The following OSBPL3 variants were observed in gnomAD, a reference collection of about 807,000 sequenced individuals.
The protein encoded by OSBPL3 is oxysterol binding protein like 3.
OSBPL3 carries 65 observed loss-of-function variants against 120.1 expected under a neutral mutation model. The ratio of observed to expected loss-of-function variants is 0.54; its 90% confidence interval spans 0.44 to 0.67. The LOEUF (loss-of-function observed/expected upper bound fraction) is 0.67. OSBPL3 is among the 30% of genes least tolerant of loss of function. OSBPL3 has a pLI of 0.00. For synonymous variants in OSBPL3, 416 were observed against 402.6 expected, an observed-to-expected ratio of 1.03 and a Z score of -0.40; for missense variants, 1,004 against 1,082.1, an observed-to-expected ratio of 0.93 and a Z score of 1.01.
intron 1 of OSBPL3, among the ~76,000 whole-genome samples, chr7:24,941,992 G>A (rs1355972493): frequency 2.6e-5 from 4 of 152,162 alleles, no homozygotes; most frequent in African/African-American, 4.8e-5. Context: ...TCAGGGCTGT[G>A]TTTTGCTCAC....
At chr7:24,823,762 G>A (rs368355889) in intron 16 of OSBPL3, among the ~76,000 whole-genome samples, 3 of 152,132 alleles carry the variant, frequency 2.0e-5, no homozygotes, top group African/African-American at 7.2e-5. Context: ...AGGTGGTGGC[G>A]GATGCTGGCC....
In OSBPL3 at chr7:24,827,813, G is replaced by A. The variant is rs759775731; in HGVS notation, c.1884+2955C>T. 4.6e-5 allele frequency among the ~76,000 whole-genome samples: 7 copies of A among 152,194 alleles called. No homozygotes were observed. Among genetic ancestry groups the A allele is most frequent in the Non-Finnish European group, 7.3e-5 (5 of 68,036 alleles). ...TGGTATGACCATGGTGAAGCCAGCT[G>A]TGAGAACTCCTGGCTGCCTGACAGC... On this transcript the variant is annotated intron_variant, in intron 16 of 22. Transcript: ENST00000313367. The surrounding 1 kb of genome is among the most constrained non-coding windows in gnomAD (Gnocchi z 5.1).
rs997269347 is a variant in OSBPL3, at chr7:24,965,640, A to G, written c.-150+14246T>C. Among the ~76,000 whole-genome samples the G allele has an allele frequency of 6.6e-6, 1 of 152,184 alleles. No homozygotes were observed. Among genetic ancestry groups the G allele is most frequent in the African/African-American group, 2.4e-5 (1 of 41,436 alleles). ...TAACTTATTAGAATTGTAGAATCTC[A>G]GGTCCCATTAAATCAGAAACCCACT... On this transcript the variant is annotated intron_variant, in intron 1 of 22. Transcript: ENST00000313367. This position sits in a 1 kb window ranked among gnomAD's most constrained non-coding sequence, Gnocchi z 4.3.
intron 12 of OSBPL3, among the ~76,000 whole-genome samples, chr7:24,845,461 A>ATGTGTG (rs138960641): frequency 7.3e-6 from 1 of 137,040 alleles, no homozygotes; most frequent in African/African-American, 2.7e-5. Flanking sequence ...GTGTGTGTGT[A>ATGTGTG]TGTGTGTGTG....
At chr7:24,951,758 T>C (rs773467569) in intron 1 of OSBPL3, among the ~76,000 whole-genome samples, 19 of 152,188 alleles carry the variant, frequency 1.2e-4, no homozygotes, top group Non-Finnish European at 2.4e-4. Flanking sequence ...TTAATGATCC[T>C]CATAGCTTGC....
chr7:24,830,883 A>G lies in OSBPL3; in HGVS notation c.1769T>C (p.Ile590Thr), dbSNP rs758133448. The stretch of plus-strand genomic sequence containing the variant: ...GTAGTAGCTAGATGCATACGCTGAT[A>G]TGGCAAAGGCTGCCACATATACCTA... ...ERMVYVAAFA[I>T]SAYASSYYRA... The change falls in exon 16 of 23, where the codon ATA becomes ACA. Residue 590 changes from isoleucine (I) to threonine (T), a missense_variant. Physicochemically the swap from Ile to Thr is moderately conservative, Grantham distance 89. Transcript: ENST00000313367. The surrounding 1 kb of genome is among the most constrained non-coding windows in gnomAD (Gnocchi z 4.4). 2.5e-6 allele frequency: 4 copies of G among 1,612,780 alleles called. No homozygotes were observed. The highest frequency in any genetic ancestry group is 2.5e-6 in the Non-Finnish European group (3 of 1,179,660).
At chr7:24,870,674 A>G (rs2128281901) in intron 5 of OSBPL3, 58 bp downstream of exon 5, 1 of 1,061,072 alleles carries the variant, frequency 9.4e-7, no homozygotes, top group Non-Finnish European at 1.5e-6. Flanking sequence ...CAATAGTATA[A>G]TAACTGATGA....
At position 24,827,431 on chromosome 7, in the gene OSBPL3, C is replaced by A. The variant is rs982199109; in HGVS notation, c.1884+3337G>T. On this transcript the variant is annotated intron_variant, in intron 16 of 22. Coordinates refer to ENST00000313367, the MANE Select transcript of OSBPL3 (RefSeq NM_015550.4). This position sits in a 1 kb window ranked among gnomAD's most constrained non-coding sequence, Gnocchi z 5.1. ...CTGGCCAGGGAAAGGGAGGCCCTGG[C>A]CCTACACCCTTCCCACTTCTAGGGC... Among the ~76,000 whole-genome samples, 1 of 152,342 alleles carries A rather than the reference C, an allele frequency of 6.6e-6. No homozygotes were observed. The highest frequency in any genetic ancestry group is 2.4e-5 in the African/African-American group (1 of 41,588).
intron 1 of OSBPL3, among the ~76,000 whole-genome samples, chr7:24,892,841 A>G (rs1189076647): frequency 1.3e-5 from 2 of 152,242 alleles, no homozygotes; most frequent in African/African-American, 4.8e-5. Flanking sequence ...AGGCTTAAGA[A>G]CATTAATACA....
chr7:24,832,206 CAAAA>C (rs35738897), intron 15 of OSBPL3, among the ~76,000 whole-genome samples: 3 of 95,654 alleles, frequency 3.1e-5, no homozygotes, highest in African/African-American at 4.1e-5. Context: ...GACCCTGTCT[CAAAA>C]AAAAAAAAAA....
chr7:24,962,119 A>G (rs1172068959), intron 1 of OSBPL3, among the ~76,000 whole-genome samples: 3 of 151,800 alleles, frequency 2.0e-5, no homozygotes, highest in Admixed American at 1.3e-4. Flanking sequence ...CCTGGCCAAC[A>G]TGGTGAAACA....
rs1805537989 is a variant in OSBPL3, at chr7:24,892,621, C to T, written c.-149G>A. Reference sequence around the variant, plus strand: ...GGGTGGCCCAAAGGAAACCCTAAAACCTAAAAAAGAGAAATTAGAAAGAAG... The same window carrying T: ...GGGTGGCCCAAAGGAAACCCTAAAATCTAAAAAAGAGAAATTAGAAAGAAG... On this transcript the variant is annotated splice_region_variant and 5_prime_UTR_variant, in exon 2 of 23. Transcript: ENST00000313367. The T allele has an allele frequency of 7.4e-7, 1 of 1,357,556 alleles. No individual in the cohort carries two copies. The highest frequency in any genetic ancestry group is 2.9e-5 in the Admixed American group (1 of 34,536). 84.1% of individuals were successfully genotyped at this position (1,357,556 alleles called of 1,614,324 possible). A position where few individuals can be genotyped will look rare whatever the true frequency, so the allele number is the denominator to read the frequency against.
At chr7:24,837,306 C>A (rs1319489580) in intron 14 of OSBPL3, among the ~76,000 whole-genome samples, 1 of 152,152 alleles carries the variant, frequency 6.6e-6, no homozygotes, top group Non-Finnish European at 1.5e-5. Flanking sequence ...CGGGCCTAAA[C>A]AATTGTTCCA....
chr7:24,809,522 C>A (rs1249478306), intron 20 of OSBPL3, among the ~76,000 whole-genome samples: 2 of 152,152 alleles, frequency 1.3e-5, no homozygotes, highest in Non-Finnish European at 2.9e-5. Context: ...TAGAGTTATG[C>A]ATGTGGACTG....
rs139980427 is a variant in OSBPL3, at chr7:24,861,399, A to C, written c.1027+214T>G. Among the ~76,000 whole-genome samples the C allele has an allele frequency of 3.3e-5, 5 of 152,232 alleles. No homozygotes were observed. In the East Asian group the frequency reaches 9.6e-4, roughly 29 times the overall value. The stretch of plus-strand genomic sequence containing the variant: ...GAATTGCTCAGCTTTTAAAGTACTA[A>C]CTCTCTCTCATTGTCTCCCCCACAA... On this transcript the variant is annotated intron_variant, in intron 10 of 22. Transcript: ENST00000313367.
rs1795839973 is a variant in OSBPL3 at position 24,827,421 on chromosome 7, G to GAGGC, written c.1884+3343_1884+3346dup. On this transcript the variant is annotated intron_variant, in intron 16 of 22. Coordinates refer to ENST00000313367, the MANE Select transcript of OSBPL3 (RefSeq NM_015550.4). This position sits in a 1 kb window ranked among gnomAD's most constrained non-coding sequence, Gnocchi z 5.1. ...TAGGCTCCTGCTGGCCAGGGAAAGGGAGGCCCTGGCCCTACACCCTTCCCA... is the reference window on the plus strand; with the variant it reads ...TAGGCTCCTGCTGGCCAGGGAAAGGGAGGCAGGCCCTGGCCCTACACCCTTCCCA... Among the ~76,000 whole-genome samples, 4 of 152,318 alleles carry GAGGC rather than the reference G, an allele frequency of 2.6e-5. No individual in the cohort carries two copies. The South Asian group carries it at 6.2e-4, about 24-fold the overall frequency.
chr7:24,980,350 G>A (rs1450031417), upstream of OSBPL3, among the ~76,000 whole-genome samples: 2 of 151,838 alleles, frequency 1.3e-5, no homozygotes, highest in Non-Finnish European at 2.9e-5. Context: ...CGATGTCCTC[G>A]GAAGAAGCCA....
In OSBPL3 at chr7:24,833,989, A is replaced by T; in HGVS notation, c.1746+497T>A. On this transcript the variant is annotated intron_variant, in intron 15 of 22. Transcript: ENST00000313367. The surrounding 1 kb of genome is among the most constrained non-coding windows in gnomAD (Gnocchi z 4.4). Reference sequence around the variant, plus strand: ...GAGAGAGAAAAAAAGAATATTTCTGATGTGAAAACCTCCTCTTGTGAACTT... The same window carrying T: ...GAGAGAGAAAAAAAGAATATTTCTGTTGTGAAAACCTCCTCTTGTGAACTT... The T allele has an allele frequency of 2.4e-6, 1 of 418,614 alleles. No individual in the cohort carries two copies. Among genetic ancestry groups the T allele is most frequent in the Non-Finnish European group, 3.2e-6 (1 of 311,908 alleles). 25.9% of individuals were successfully genotyped at this position (418,614 alleles called of 1,614,324 possible). A position where few individuals can be genotyped will look rare whatever the true frequency, so the allele number is the denominator to read the frequency against.
In OSBPL3 at chr7:24,830,533, G is replaced by A. The variant is rs748417064; in HGVS notation, c.1884+235C>T. 1.1e-4 allele frequency among the ~76,000 whole-genome samples: 17 copies of A among 152,078 alleles called. No homozygotes were observed. The highest frequency in any genetic ancestry group is 2.2e-4 in the African/African-American group (9 of 41,358). ...AATGATTTTAAAGAGAAAGGACACC[G>A]GCAATGCATGTAGCCAAGCAAGTGT... is the stretch of plus-strand genomic sequence containing the variant. On this transcript the variant is annotated intron_variant, in intron 16 of 22. Coordinates refer to ENST00000313367, the MANE Select transcript of OSBPL3 (RefSeq NM_015550.4). The surrounding 1 kb of genome is among the most constrained non-coding windows in gnomAD (Gnocchi z 4.4).
Sources: allele counts gnomAD v4.1 joint callset (sites outside exome capture counted in the v4.1 genomes callset), GRCh38; gene constraint gnomAD v4.1.1; non-coding constraint Gnocchi (gnomAD v3.1); transcripts MANE v1.5; gene names NCBI Gene and HGNC (gene_info 2026-07-23, HGNC 2026-07-21).